Variants in ADGRG4 observed in about 807,000 individuals in gnomAD.
ADGRG4 encodes G protein-coupled receptor 112.
Under a neutral mutation model 126.2 loss-of-function variants are expected in ADGRG4, and 122 were observed. The observed-to-expected ratio is 0.97, with a 90% confidence interval of 0.83 to 1.12. The LOEUF (loss-of-function observed/expected upper bound fraction) is 1.12, where lower values mean the gene tolerates loss of function less well. Among genes scored for constraint, ADGRG4 ranks in the 50% most tolerant of loss-of-function variants. The probability of loss-of-function intolerance (pLI) is 0.00; values close to 1 mark genes in which losing one functional copy is unlikely to be tolerated. For synonymous variants in ADGRG4, 943 were observed against 838.7 expected (o/e 1.12, Z -2.15); for missense variants, 2,481 against 2,251.8 (o/e 1.10, Z -2.06).
At chrX:136,353,511 C>T in intron 8 of ADGRG4, 110 bp downstream of exon 8, 1 of 531,043 alleles carries the variant, frequency 1.9e-6, no homozygotes. Context: ...AGGGCTGCCA[C>T]ATTTTTAGTT....
At chrX:136,350,541 G>A (rs766725729) in intron 6 of ADGRG4, 108 bp downstream of exon 6, 1 of 773,046 alleles carries the variant, frequency 1.3e-6, no homozygotes, top group Non-Finnish European at 1.8e-6. Context: ...AATGAAGAAG[G>A]GTGCAGGTGT....
intron 20 of ADGRG4, 47 bp from the exon 21 acceptor site, chrX:136,399,797 TAAAA>T (rs376015717): frequency 1.1e-4 from 92 of 869,430 alleles, no homozygotes; most frequent in Non-Finnish European, 1.4e-4. Context: ...GATGTTTAAT[TAAAA>T]AAAAAAAAAC....
chrX:136,340,552 C>T (rs1309015547), intron 5 of ADGRG4, among the ~76,000 whole-genome samples: 1 of 111,583 alleles, frequency 9.0e-6, no homozygotes, highest in African/African-American at 3.3e-5. Context: ...CAGTGTTCAG[C>T]ACTTGCAGAA....
At chrX:136,382,326 G>GA (rs146579940) in intron 15 of ADGRG4, among the ~76,000 whole-genome samples, 12 of 108,580 alleles carry the variant, frequency 1.1e-4, no homozygotes, top group Non-Finnish European at 1.5e-4. Context: ...CACGATAAAA[G>GA]AAAAAAAAAT....
Position 136,400,226 on chromosome X carries a change from G to A in ADGRG4, c.8575+110G>A, listed in dbSNP as rs1382890920. On this transcript the variant is annotated intron_variant, in intron 21 of 25. Coordinates refer to ENST00000394143, the MANE Select transcript of ADGRG4 (RefSeq NM_153834.4). Reference sequence around the variant, plus strand: ...TAGGTAAAAAATTAAGGATCGCCTTGCTGGTGTTTGGGCATGCATCTTTTT... The same window carrying A: ...TAGGTAAAAAATTAAGGATCGCCTTACTGGTGTTTGGGCATGCATCTTTTT... 4.6e-6 allele frequency: 3 copies of A among 645,547 alleles called. No homozygotes were observed. In the African/African-American group the frequency reaches 6.7e-5, roughly 14 times the overall value. 53.2% of individuals were successfully genotyped at this position (645,547 alleles called of 1,213,427 possible).
chrX:136,373,781 A>G (rs1381526923), intron 15 of ADGRG4, among the ~76,000 whole-genome samples: 1 of 110,292 alleles, frequency 9.1e-6, no homozygotes, highest in Non-Finnish European at 1.9e-5. Context: ...CCTGGGCAAT[A>G]TAGTGAAACC....
Position 136,349,671 on chromosome X carries a change from C to G in ADGRG4, c.5965C>G (p.Pro1989Ala). 2.5e-6 allele frequency: 3 copies of G among 1,210,683 alleles called. No homozygotes were observed. The highest frequency in any genetic ancestry group is 3.4e-6 in the Non-Finnish European group (3 of 894,947). ...ATCTGTAACTCCTGGGACCACACTC[C>G]CATCAATTCTTTCTGGTGCCACTTC... ...TTSVTPGTTL[P>A]SILSGATSGS... The change falls in exon 6 of 26, where the codon CCA (proline) becomes GCA (alanine). Residue 1989 changes from proline (P) to alanine (A), a missense_variant. By Grantham distance (27) the Pro-to-Ala change is conservative. Coordinates refer to ENST00000394143, the MANE Select transcript of ADGRG4 (RefSeq NM_153834.4).
intron 25 of ADGRG4, among the ~76,000 whole-genome samples, chrX:136,415,050 A>T (rs768117068): frequency 1.8e-5 from 2 of 112,394 alleles, no homozygotes; most frequent in East Asian, 5.6e-4. Context: ...CTTCAGGATG[A>T]TACTGTGATG....
In ADGRG4 at chrX:136,384,614, A is replaced by G. The variant is rs1170930156; in HGVS notation, c.7777-3126A>G. Among the ~76,000 whole-genome samples the G allele has an allele frequency of 3.6e-5, 4 of 111,666 alleles. No individual in the cohort carries two copies. The Admixed American group carries it at 3.8e-4, about 11-fold the overall frequency. ...TTGTAGTGCAGGTCTGATAATGATA[A>G]ATTTTCTGAGTTTTTAATTTATCTG... On this transcript the variant is annotated intron_variant, in intron 15 of 25. Coordinates refer to ENST00000394143, the MANE Select transcript of ADGRG4 (RefSeq NM_153834.4).
chrX:136,414,876 G>A (rs965427758), intron 25 of ADGRG4, among the ~76,000 whole-genome samples: 1 of 112,289 alleles, frequency 8.9e-6, no homozygotes, highest in African/African-American at 3.2e-5. Context: ...ATCACTCTTA[G>A]ATGCTGAGCT....
chrX:136,365,846 A>T (rs1409213490), intron 13 of ADGRG4, among the ~76,000 whole-genome samples: 1 of 111,789 alleles, frequency 8.9e-6, no homozygotes, highest in Non-Finnish European at 1.9e-5. Context: ...CAGTCTAGCC[A>T]AAAGTTTTTA....
chrX:136,375,335 G>C (rs2075219222), intron 15 of ADGRG4, among the ~76,000 whole-genome samples: 1 of 111,922 alleles, frequency 8.9e-6, no homozygotes, highest in Non-Finnish European at 1.9e-5. Context: ...GAATTGTGCT[G>C]CTTTAAACAT....
At chrX:136,396,582 G>A (rs1348732385) in intron 19 of ADGRG4, among the ~76,000 whole-genome samples, 2 of 93,627 alleles carry the variant, frequency 2.1e-5, no homozygotes, top group African/African-American at 8.1e-5. Context: ...GCAAAAGAGT[G>A]AGAACCTGTC....
In ADGRG4 at chrX:136,371,451, G is replaced by C. The variant is rs1483805371; in HGVS notation, c.7520G>C (p.Ser2507Thr). 8.4e-7 allele frequency: 1 copy of C among 1,194,383 alleles called. No homozygotes were observed. The change falls in exon 14 of 26, where the codon AGT (serine) becomes ACT (threonine). Residue 2507 changes from serine (S) to threonine (T), a missense_variant. Physicochemically the swap from Ser to Thr is moderately conservative, Grantham distance 58 (BLOSUM62 1). Coordinates refer to ENST00000394143, the MANE Select transcript of ADGRG4 (RefSeq NM_153834.4). ...GATATTTCACAATGTGATGAGATAA[G>C]TATGAACCTAACTCATGTTATGTTA... The part of the protein sequence containing the change: ...ISDISQCDEI[S>T]MNLTHVMLQI...
intron 12 of ADGRG4, among the ~76,000 whole-genome samples, chrX:136,362,314 A>G (rs2075133196): frequency 9.0e-6 from 1 of 110,833 alleles, no homozygotes; most frequent in Non-Finnish European, 1.9e-5. Context: ...TGATGGTCAT[A>G]GTCAGAGCCC....
chrX:136,331,339 C>G (rs763456079), intron 5 of ADGRG4, among the ~76,000 whole-genome samples: 1 of 112,338 alleles, frequency 8.9e-6, no homozygotes, highest in Non-Finnish European at 1.9e-5. Context: ...AATACTTATT[C>G]CCTCTCTTTT....
At chrX:136,336,801 G>A (rs763488083) in intron 5 of ADGRG4, among the ~76,000 whole-genome samples, 16 of 111,880 alleles carry the variant, frequency 1.4e-4, no homozygotes, top group African/African-American at 4.5e-4. Context: ...ATTCCATCTT[G>A]ATTTATTTAT....
chrX:136,312,163 T>C (rs2074776135), intron 4 of ADGRG4, among the ~76,000 whole-genome samples: 1 of 112,542 alleles, frequency 8.9e-6, no homozygotes, highest in South Asian at 3.7e-4. Flanking sequence ...AAAATTCAGT[T>C]CTTAGTAATA....
chrX:136,376,047 A>G (rs1171753907), intron 15 of ADGRG4, among the ~76,000 whole-genome samples: 1 of 111,406 alleles, frequency 9.0e-6, no homozygotes, highest in Non-Finnish European at 1.9e-5. Flanking sequence ...TACATTTAAG[A>G]CTTTGATCCA....
Sources: allele counts gnomAD v4.1 joint callset (sites outside exome capture counted in the v4.1 genomes callset), GRCh38; gene constraint gnomAD v4.1.1; transcripts MANE v1.5; gene names NCBI Gene and HGNC (gene_info 2026-07-23, HGNC 2026-07-21).